Variants in OSBPL3 observed in about 807,000 individuals in gnomAD.
OSBPL3 encodes oxysterol binding protein like 3.
OSBPL3 carries 65 observed loss-of-function variants against 120.1 expected under a neutral mutation model. The ratio of observed to expected loss-of-function variants is 0.54; its 90% CI spans 0.44 to 0.67. OSBPL3 has a LOEUF of 0.67. Among genes scored for constraint, OSBPL3 ranks in the 30% least tolerant of loss-of-function variants. The probability of loss-of-function intolerance (pLI) is 0.00; values close to 1 mark genes in which losing one functional copy is unlikely to be tolerated. For synonymous variants in OSBPL3, 416 were observed against 402.6 expected, an observed-to-expected ratio of 1.03 and a Z score of -0.40; for missense variants, 1,004 against 1,082.1, an observed-to-expected ratio of 0.93 and a Z score of 1.01.
intron 1 of OSBPL3, among the ~76,000 whole-genome samples, chr7:24,914,311 G>C (rs1225067821): frequency 2.0e-5 from 3 of 151,858 alleles, no homozygotes; most frequent in Non-Finnish European, 4.4e-5. Context: ...CCAGCCAGTA[G>C]CATCTACTAG....
chr7:24,961,313 G>A (rs754492507), intron 1 of OSBPL3, among the ~76,000 whole-genome samples: 1 of 152,174 alleles, frequency 6.6e-6, no homozygotes, highest in Non-Finnish European at 1.5e-5. Context: ...AGGATCAGGG[G>A]AGAGAGGCTC....
intron 14 of OSBPL3, 86 bp downstream of exon 14, chr7:24,840,604 C>T: frequency 5.3e-6 from 3 of 564,704 alleles, no homozygotes; most frequent in Non-Finnish European, 9.2e-6. Context: ...CCTTGAACCC[C>T]CATATTGTTC....
Position 24,861,521 on chromosome 7 carries a change from C to G in OSBPL3, c.1027+92G>C. 4 of 776,126 alleles carry G rather than the reference C, an allele frequency of 5.2e-6. No individual in the cohort carries two copies. In the South Asian group the frequency reaches 1.1e-4, roughly 21 times the overall value. The allele number at this position is 776,126 out of a possible 1,614,324, so 48.1% of individuals were successfully genotyped here. A position where few individuals can be genotyped will look rare whatever the true frequency, so the allele number is the denominator to read the frequency against. ...AATCTTAATAGAGCAGAAAATGAACCAACTAAGATACTCTCTCTAAGGACA... is the reference window on the plus strand; with the variant it reads ...AATCTTAATAGAGCAGAAAATGAACGAACTAAGATACTCTCTCTAAGGACA... On this transcript the variant is annotated intron_variant, in intron 10 of 22. Transcript: ENST00000313367.
intron 1 of OSBPL3, among the ~76,000 whole-genome samples, chr7:24,950,046 C>T (rs1244445340): frequency 6.6e-6 from 1 of 152,168 alleles, no homozygotes; most frequent in South Asian, 2.1e-4. Flanking sequence ...GTTTTCCCCA[C>T]AGAAATGCTA....
chr7:24,903,413 G>A (rs776127346), intron 1 of OSBPL3, among the ~76,000 whole-genome samples: 3 of 152,232 alleles, frequency 2.0e-5, no homozygotes, highest in Non-Finnish European at 2.9e-5. Context: ...GAAGTTCACC[G>A]ATAGACAATT....
In OSBPL3 at chr7:24,972,756, A is replaced by G. The variant is rs1261668518; in HGVS notation, c.-150+7130T>C. Among the ~76,000 whole-genome samples, 1 of 152,218 alleles carries G rather than the reference A, an allele frequency of 6.6e-6. No individual in the cohort carries two copies. The highest frequency in any genetic ancestry group is 2.4e-5 in the African/African-American group (1 of 41,460). On this transcript the variant is annotated intron_variant, in intron 1 of 22. Coordinates refer to ENST00000313367, the MANE Select transcript of OSBPL3 (RefSeq NM_015550.4). The surrounding 1 kb of genome is among the most constrained non-coding windows in gnomAD (Gnocchi z 4.3). The stretch of plus-strand genomic sequence containing the variant: ...CACACATATATATACATATATGTAG[A>G]TTAAAATATATATATTAGCTTTAGC...
In OSBPL3 at chr7:24,834,464, C is replaced by A; in HGVS notation, c.1746+22G>T. The stretch of plus-strand genomic sequence containing the variant: ...CTTGGGGACCGAGGCTGGACAGTGG[C>A]AAGGGAAGGCTGACTCCTCACCATC... On this transcript the variant is annotated intron_variant, in intron 15 of 22. Coordinates refer to ENST00000313367, the MANE Select transcript of OSBPL3 (RefSeq NM_015550.4). The surrounding 1 kb of genome is among the most constrained non-coding windows in gnomAD (Gnocchi z 5.2). The A allele has an allele frequency of 6.3e-7, 1 of 1,597,166 alleles. No homozygotes were observed. Among genetic ancestry groups the A allele is most frequent in the Non-Finnish European group, 8.5e-7 (1 of 1,170,736 alleles).
intron 1 of OSBPL3, among the ~76,000 whole-genome samples, chr7:24,901,507 A>C (rs1807034574): frequency 6.6e-6 from 1 of 152,240 alleles, no homozygotes; most frequent in South Asian, 2.1e-4. Context: ...CCTCAACACA[A>C]AACACCCATG....
intron 1 of OSBPL3, among the ~76,000 whole-genome samples, chr7:24,969,186 G>A (rs1015011380): frequency 1.3e-5 from 2 of 152,164 alleles, no homozygotes; most frequent in African/African-American, 4.8e-5. Context: ...CTGCCAACCC[G>A]ATAGGTGAAA....
At position 24,813,986 on chromosome 7, in the gene OSBPL3, C is replaced by T. The variant is rs1409912608; in HGVS notation, c.2172+1073G>A. On this transcript the variant is annotated intron_variant, in intron 19 of 22. Coordinates refer to ENST00000313367, the MANE Select transcript of OSBPL3 (RefSeq NM_015550.4). The surrounding 1 kb of genome is among the most constrained non-coding windows in gnomAD (Gnocchi z 4.5). ...CAGGAATCAGGGCTACAGAAGTGAG[C>T]AAGATAGACTAGGTTTTGCTTTTCT... 2.0e-5 allele frequency among the ~76,000 whole-genome samples: 3 copies of T among 152,058 alleles called. No individual in the cohort carries two copies. The highest frequency in any genetic ancestry group is 4.4e-5 in the Non-Finnish European group (3 of 68,026).
chr7:24,871,347 C>A lies in OSBPL3; in HGVS notation c.267+395G>T, dbSNP rs1195284575. ...CATTCACACACAGAGCCTTCACACA[C>A]CAACTGCCTGGGATTAATTTGAAAA... On this transcript the variant is annotated intron_variant, in intron 4 of 22. Transcript: ENST00000313367. The surrounding 1 kb of genome is among the most constrained non-coding windows in gnomAD (Gnocchi z 4.8). 6.6e-6 allele frequency among the ~76,000 whole-genome samples: 1 copy of A among 152,192 alleles called. No individual in the cohort carries two copies. The highest frequency in any genetic ancestry group is 1.5e-5 in the Non-Finnish European group (1 of 68,030).
chr7:24,843,998 T>G (rs1419200404), intron 12 of OSBPL3, among the ~76,000 whole-genome samples: 1 of 152,224 alleles, frequency 6.6e-6, no homozygotes, highest in African/African-American at 2.4e-5. Context: ...TGTATCTTCC[T>G]CCTCCTAGAC....
In OSBPL3 at chr7:24,912,298, T is replaced by C. The variant is rs10237730; in HGVS notation, c.-149-19677A>G. On this transcript the variant is annotated intron_variant, in intron 1 of 22. Transcript: ENST00000313367. The surrounding 1 kb of genome is among the most constrained non-coding windows in gnomAD (Gnocchi z 4.5). ...TTCATAGGAATTACAAATCAGAAAA[T>C]GTAAGTCAAAATGTGGGATGTAAGT... Among the ~76,000 whole-genome samples, 1,948 of 152,208 alleles carry C rather than the reference T, an allele frequency of 0.013. 43 individuals are homozygous for C. Among genetic ancestry groups the C allele is most frequent in the African/African-American group, 0.045 (1,859 of 41,514 alleles).
chr7:24,909,452 C>T lies in OSBPL3; in HGVS notation c.-149-16831G>A, dbSNP rs529267760. ...GATAGCTGGACCCAGAAATGAAAGA[C>T]ACACTGGTTGAAGACCATAGTGTCA... On this transcript the variant is annotated intron_variant, in intron 1 of 22. Coordinates refer to ENST00000313367, the MANE Select transcript of OSBPL3 (RefSeq NM_015550.4). Among the ~76,000 whole-genome samples, 11 of 152,292 alleles carry T rather than the reference C, an allele frequency of 7.2e-5. No individual in the cohort carries two copies. The South Asian group carries it at 2.3e-3, about 32-fold the overall frequency.
In OSBPL3 at chr7:24,898,343, T is replaced by C. The variant is rs995362046; in HGVS notation, c.-149-5722A>G. Among the ~76,000 whole-genome samples, 2 of 152,200 alleles carry C rather than the reference T, an allele frequency of 1.3e-5. No homozygotes were observed. The highest frequency in any genetic ancestry group is 2.9e-5 in the Non-Finnish European group (2 of 68,038). On this transcript the variant is annotated intron_variant, in intron 1 of 22. Coordinates refer to ENST00000313367, the MANE Select transcript of OSBPL3 (RefSeq NM_015550.4). This position sits in a 1 kb window ranked among gnomAD's most constrained non-coding sequence, Gnocchi z 4.3. ...ATCCAAAGGCACCCATACCTGACTGTTTCTGGGAGAGGAGTACTAAGTTTC... is the reference window on the plus strand; with the variant it reads ...ATCCAAAGGCACCCATACCTGACTGCTTCTGGGAGAGGAGTACTAAGTTTC...
In OSBPL3 at chr7:24,854,780, T is replaced by C. The variant is rs896764995; in HGVS notation, c.1028-2146A>G. ...ATGAGTAAATGATGTGCCTGAACCC[T>C]GGTTTCCACATTTGTAAATGGGGAT... On this transcript the variant is annotated intron_variant, in intron 10 of 22. Transcript: ENST00000313367. This position sits in a 1 kb window ranked among gnomAD's most constrained non-coding sequence, Gnocchi z 4.1. 1.1e-4 allele frequency among the ~76,000 whole-genome samples: 16 copies of C among 152,352 alleles called. 1 individual carries two copies. Among genetic ancestry groups the C allele is most frequent in the Admixed American group, 9.1e-4 (14 of 15,304 alleles).
Position 24,817,328 on chromosome 7 carries a change from C to A in OSBPL3, c.1949-640G>T, listed in dbSNP as rs1015847090. Among the ~76,000 whole-genome samples, 1 of 152,082 alleles carries A rather than the reference C, an allele frequency of 6.6e-6. No individual in the cohort carries two copies. Among genetic ancestry groups the A allele is most frequent in the Non-Finnish European group, 1.5e-5 (1 of 68,028 alleles). ...GATCAGGAGTTCGAGACCAGCACAG[C>A]CAACATGGCGAAACCCCTTCTCTAT... On this transcript the variant is annotated intron_variant, in intron 17 of 22. Coordinates refer to ENST00000313367, the MANE Select transcript of OSBPL3 (RefSeq NM_015550.4). This position sits in a 1 kb window ranked among gnomAD's most constrained non-coding sequence, Gnocchi z 4.0.
upstream of OSBPL3, chr7:24,981,297 C>G (rs572941707): frequency 1.2e-3 from 188 of 152,246 alleles, 1 homozygote; most frequent in Non-Finnish European, 2.1e-3. This position sits in a 1 kb window ranked among gnomAD's most constrained non-coding sequence, Gnocchi z 7.3. Context: ...ATTCCTGAGC[C>G]TGGGAAAGGA....
Position 24,851,398 on chromosome 7 carries a change from C to T in OSBPL3, c.1158+1106G>A, listed in dbSNP as rs928629588. ...ATGGTCCATCAGTGAATACTCCTTACATATTCTACAACAACTATATGTGCT... is the reference window on the plus strand; with the variant it reads ...ATGGTCCATCAGTGAATACTCCTTATATATTCTACAACAACTATATGTGCT... On this transcript the variant is annotated intron_variant, in intron 11 of 22. Transcript: ENST00000313367. This position sits in a 1 kb window ranked among gnomAD's most constrained non-coding sequence, Gnocchi z 4.1. Among the ~76,000 whole-genome samples, 3 of 152,170 alleles carry T rather than the reference C, an allele frequency of 2.0e-5. No homozygotes were observed. The highest frequency in any genetic ancestry group is 4.4e-5 in the Non-Finnish European group (3 of 68,026).
Sources: allele counts gnomAD v4.1 joint callset (sites outside exome capture counted in the v4.1 genomes callset), GRCh38; gene constraint gnomAD v4.1.1; non-coding constraint Gnocchi (gnomAD v3.1); transcripts MANE v1.5; gene names NCBI Gene and HGNC (gene_info 2026-07-23, HGNC 2026-07-21).